The following GPHN variants were observed in gnomAD, a reference collection of about 807,000 sequenced individuals.
GPHN encodes gephyrin.
Under a neutral mutation model 95.5 loss-of-function variants are expected in GPHN, and 17 were observed. The observed-to-expected ratio is 0.18, with a 90% CI of 0.12 to 0.27. The LOEUF is 0.27. Among genes scored for constraint, GPHN ranks in the 10% least tolerant of loss-of-function variants. The pLI is 1.00. For synonymous variants in GPHN, 320 were observed against 322.5 expected (o/e 0.99, Z 0.08); for missense variants, 660 against 978.1 (o/e 0.67, Z 4.34).
intron 9 of GPHN, among the ~76,000 whole-genome samples, chr14:66,985,340 A>G (rs1642547623): frequency 6.6e-6 from 1 of 152,204 alleles, no homozygotes; most frequent in Non-Finnish European, 1.5e-5. Flanking sequence ...CTAAGAGAGA[A>G]AAGTACATAG....
At chr14:67,481,075 G>C in the GPHN span, among the ~76,000 whole-genome samples, 1 of 152,166 alleles carries the variant, frequency 6.6e-6, no homozygotes, top group East Asian at 1.9e-4. Flanking sequence ...AGAATAGCTT[G>C]AGGCCAGGAG....
the GPHN span, among the ~76,000 whole-genome samples, chr14:67,728,845 C>T: frequency 3.3e-5 from 5 of 152,190 alleles, no homozygotes; most frequent in African/African-American, 1.2e-4. Context: ...TAAACTCCTC[C>T]TTTAGAAATG....
chr14:66,559,939 G>A (rs1281252214), intron 1 of GPHN, among the ~76,000 whole-genome samples: 1 of 152,168 alleles, frequency 6.6e-6, no homozygotes, highest in African/African-American at 2.4e-5. Context: ...AAGGGATCCA[G>A]TTTCAGCTTT....
chr14:66,998,890 T>C (rs372442954), intron 9 of GPHN, among the ~76,000 whole-genome samples: 2 of 138,814 alleles, frequency 1.4e-5, no homozygotes, highest in Non-Finnish European at 3.1e-5. Context: ...AAAAAAAAAA[T>C]ATATATATAT....
chr14:67,635,211 T>G, the GPHN span, among the ~76,000 whole-genome samples: 2 of 152,264 alleles, frequency 1.3e-5, no homozygotes, highest in South Asian at 4.1e-4. Flanking sequence ...GCCACTGCAC[T>G]CCAGCCTGAG....
intron 1 of GPHN, among the ~76,000 whole-genome samples, chr14:66,567,293 T>A (rs2060498556): frequency 6.6e-6 from 1 of 152,142 alleles, no homozygotes; most frequent in South Asian, 2.1e-4. Flanking sequence ...GGACTTTGGA[T>A]GGTGGCGTAG....
At chr14:66,943,492 G>T (rs2067544990) in intron 8 of GPHN, among the ~76,000 whole-genome samples, 1 of 152,062 alleles carries the variant, frequency 6.6e-6, no homozygotes, top group Non-Finnish European at 1.5e-5. Context: ...AACCCAAAAA[G>T]CAGTTTATAA....
chr14:67,544,141 T>C, the GPHN span, among the ~76,000 whole-genome samples: 2 of 152,208 alleles, frequency 1.3e-5, no homozygotes, highest in South Asian at 4.1e-4. Flanking sequence ...TGGTCAGGAA[T>C]ATTAAAGGGC....
chr14:66,665,716 G>T (rs1163749074), intron 1 of GPHN, among the ~76,000 whole-genome samples: 1 of 152,160 alleles, frequency 6.6e-6, no homozygotes, highest in Non-Finnish European at 1.5e-5. Flanking sequence ...TCTAGAACTA[G>T]AAATACCATG....
intron 4 of GPHN, among the ~76,000 whole-genome samples, chr14:66,841,253 G>A (rs1360822229): frequency 6.6e-6 from 1 of 152,116 alleles, no homozygotes; most frequent in Non-Finnish European, 1.5e-5. Context: ...AGGAAAGAGG[G>A]TTATAATTTT....
At chr14:67,329,246 A>G in the GPHN span, among the ~76,000 whole-genome samples, 1 of 152,144 alleles carries the variant, frequency 6.6e-6, no homozygotes, top group African/African-American at 2.4e-5. Context: ...GCAATTGTGA[A>G]TGGGAGTTCA....
At chr14:67,244,082 C>T in the GPHN span, among the ~76,000 whole-genome samples, 1 of 152,206 alleles carries the variant, frequency 6.6e-6, no homozygotes, top group South Asian at 2.1e-4. Flanking sequence ...AATCACTTAA[C>T]TGGCAGGATT....
At chr14:67,469,414 T>C in the GPHN span, among the ~76,000 whole-genome samples, 1 of 151,130 alleles carries the variant, frequency 6.6e-6, no homozygotes, top group Non-Finnish European at 1.5e-5. Context: ...GTATCTGGAA[T>C]TATAAGTGTG....
At chr14:66,684,880 C>T (rs2067239091) in intron 2 of GPHN, among the ~76,000 whole-genome samples, 1 of 152,016 alleles carries the variant, frequency 6.6e-6, no homozygotes, top group Admixed American at 6.5e-5. Context: ...AGGTATATCT[C>T]CTAATGCTGT....
chr14:66,598,839 A>C (rs990088705), intron 1 of GPHN, among the ~76,000 whole-genome samples: 6 of 63,994 alleles, frequency 9.4e-5, no homozygotes, highest in Non-Finnish European at 1.4e-4. Flanking sequence ...ACTCTGTCTC[A>C]AAAAAAAAAA....
At chr14:66,591,329 T>G (rs1370108279) in intron 1 of GPHN, among the ~76,000 whole-genome samples, 1 of 152,028 alleles carries the variant, frequency 6.6e-6, no homozygotes, top group Non-Finnish European at 1.5e-5. Context: ...GAGAAAGAAA[T>G]AAAGGGTATT....
intron 1 of GPHN, among the ~76,000 whole-genome samples, chr14:66,657,316 T>C (rs1182010556): frequency 6.6e-6 from 1 of 152,196 alleles, no homozygotes; most frequent in Non-Finnish European, 1.5e-5. Flanking sequence ...AGGAAATAAG[T>C]CATCTCTGTA....
chr14:67,631,144 C>T, the GPHN span, among the ~76,000 whole-genome samples: 2 of 152,176 alleles, frequency 1.3e-5, no homozygotes, highest in Non-Finnish European at 2.9e-5. Flanking sequence ...CCCCCTTGAC[C>T]TTAGGTAGCC....
At chr14:67,096,872 C>A (rs989352149) in intron 12 of GPHN, among the ~76,000 whole-genome samples, 1 of 151,730 alleles carries the variant, frequency 6.6e-6, no homozygotes, top group African/African-American at 2.4e-5. Flanking sequence ...GTGATTTGCC[C>A]AGCCAAAGCA....
Sources: gnomAD v4.1 joint callset for allele counts (sites outside exome capture counted in the v4.1 genomes callset) on GRCh38, gnomAD v4.1.1 for gene constraint, MANE v1.5 for transcripts, NCBI Gene and HGNC (gene_info 2026-07-23, HGNC 2026-07-21) for gene names.